PTPN13: variants seen among roughly 807,000 people sequenced by gnomAD.
The protein encoded by PTPN13 is protein tyrosine phosphatase non-receptor type 13.
In PTPN13, 191 loss-of-function variants were observed where a neutral mutation model predicts 284.0. That is an observed-to-expected ratio of 0.67 (90% CI 0.60 to 0.76). The LOEUF is 0.76. Among genes scored for constraint, PTPN13 ranks in the 30% least tolerant of loss-of-function variants. PTPN13 has a pLI of 0.00. For synonymous variants in PTPN13, 986 were observed against 1,022.3 expected (o/e 0.96, Z 0.68); for missense variants, 2,797 against 2,939.9 (o/e 0.95, Z 1.12).
At chr4:86,774,783 T>C (rs182148331) in intron 33 of PTPN13, among the ~76,000 whole-genome samples, 1 of 151,762 alleles carries the variant, frequency 6.6e-6, no homozygotes, top group Admixed American at 6.6e-5. Flanking sequence ...GTTACATATG[T>C]ATACATGAAC....
At chr4:86,814,384 T>C in intron 47 of PTPN13, 72 bp from the exon 48 acceptor site, 1 of 977,730 alleles carries the variant, frequency 1.0e-6, no homozygotes, top group South Asian at 1.9e-5. Context: ...CTTCCAATAG[T>C]GGTATAGCTA....
At chr4:86,609,322 T>G (rs774684139) in intron 1 of PTPN13, among the ~76,000 whole-genome samples, 7 of 152,204 alleles carry the variant, frequency 4.6e-5, no homozygotes, top group African/African-American at 1.2e-4. Flanking sequence ...AAGTTTATTA[T>G]TAAGTATCTT....
At chr4:86,660,943 G>A (rs1708442666) in intron 2 of PTPN13, among the ~76,000 whole-genome samples, 1 of 152,058 alleles carries the variant, frequency 6.6e-6, no homozygotes, top group South Asian at 2.1e-4. Context: ...GGTGATAAAT[G>A]TTACTTTTAC....
intron 2 of PTPN13, among the ~76,000 whole-genome samples, chr4:86,645,914 C>T (rs1724372383): frequency 6.6e-6 from 1 of 152,114 alleles, no homozygotes; most frequent in African/African-American, 2.4e-5. Flanking sequence ...AGGACTCTCA[C>T]TACCTGATCT....
At chr4:86,696,759 CAAG>C (rs2148989675) in intron 6 of PTPN13, among the ~76,000 whole-genome samples, 1 of 152,092 alleles carries the variant, frequency 6.6e-6, no homozygotes, top group South Asian at 2.1e-4. Context: ...TATCTAAACT[CAAG>C]AGAATTTGTG....
rs752774942 is a variant in PTPN13 at position 86,701,612 on chromosome 4, A to C, written c.1006A>C (p.Thr336Pro). 3.7e-6 allele frequency: 6 copies of C among 1,613,640 alleles called. No homozygotes were observed. Among genetic ancestry groups the C allele is most frequent in the Middle Eastern group, 1.6e-4 (1 of 6,084 alleles). Residue 336 changes from threonine (T) to proline (P), a missense_variant, in exon 7 of 48, where the codon ACT becomes CCT. By Grantham distance (38) the Thr-to-Pro change is conservative. Coordinates refer to ENST00000411767, the MANE Select transcript of PTPN13 (RefSeq NM_080683.3). ...GGCAGTAACAGTGCGGACTTCAACTACTCCTAGAAAAAAGGAGGCAAGATA... is the reference window on the plus strand; with the variant it reads ...GGCAGTAACAGTGCGGACTTCAACTCCTCCTAGAAAAAAGGAGGCAAGATA... Reference protein sequence around the residue: ...PEAVTVRTSTTPRKKEARYSD... With the variant: ...PEAVTVRTSTPPRKKEARYSD...
chr4:86,802,303 C>T (rs991541500), intron 42 of PTPN13, among the ~76,000 whole-genome samples: 2 of 152,024 alleles, frequency 1.3e-5, no homozygotes, highest in Non-Finnish European at 2.9e-5. Flanking sequence ...TTACTATTAT[C>T]TAGAATACTT....
At chr4:86,761,298 A>G (rs1490436634) in intron 23 of PTPN13, among the ~76,000 whole-genome samples, 3 of 151,714 alleles carry the variant, frequency 2.0e-5, no homozygotes, top group Non-Finnish European at 2.9e-5. Context: ...GCAACATTAT[A>G]TTTATGTTAT....
At chr4:86,692,956 G>A (rs1730182442) in intron 5 of PTPN13, among the ~76,000 whole-genome samples, 1 of 151,392 alleles carries the variant, frequency 6.6e-6, no homozygotes, top group South Asian at 2.1e-4. Context: ...GTATGCACCA[G>A]TAGTCCCAGC....
chr4:86,744,878 G>T (rs377470868), intron 16 of PTPN13, 88 bp from the exon 17 acceptor site: 2 of 962,974 alleles, frequency 2.1e-6, no homozygotes. Flanking sequence ...ATTCATATTA[G>T]ATGTAAGTCA....
chr4:86,671,943 G>A (rs571071337), intron 2 of PTPN13, among the ~76,000 whole-genome samples: 6 of 152,148 alleles, frequency 3.9e-5, no homozygotes, highest in Non-Finnish European at 8.8e-5. Context: ...ATATTTATGG[G>A]CAATGTCCTT....
chr4:86,606,043 C>G (rs1764710730), intron 1 of PTPN13, among the ~76,000 whole-genome samples: 2 of 151,900 alleles, frequency 1.3e-5, no homozygotes, highest in Non-Finnish European at 2.9e-5. Flanking sequence ...GGAAATCCCA[C>G]TGAGGCTGGG....
chr4:86,651,456 G>GT lies in PTPN13; in HGVS notation c.115+16092dup, dbSNP rs568088207. Among the ~76,000 whole-genome samples, 28 of 147,668 alleles carry GT rather than the reference G, an allele frequency of 1.9e-4. 1 individual carries two copies. In the South Asian group the frequency reaches 3.3e-3, roughly 17 times the overall value. On this transcript the variant is annotated intron_variant, in intron 2 of 47. Coordinates refer to ENST00000411767, the MANE Select transcript of PTPN13 (RefSeq NM_080683.3). ...CTTCCTTCCTTCCTTCCTTCCTGAT[G>GT]TTTTTTTGTCTGGTTTTAATATCAG...
Position 86,775,281 on chromosome 4 carries a change from A to C in PTPN13, c.5619A>C (p.Arg1873Ser), listed in dbSNP as rs373015492. 6.8e-6 allele frequency: 11 copies of C among 1,613,670 alleles called. No individual in the cohort carries two copies. Among genetic ancestry groups the C allele is most frequent in the Non-Finnish European group, 8.5e-6 (10 of 1,179,784 alleles). The change falls in exon 34 of 48, where the codon AGA becomes AGC. Residue 1873 changes from arginine to serine, a missense_variant. By Grantham distance (110) the Arg-to-Ser change is moderately radical (BLOSUM62 -1). Transcript: ENST00000411767. ...TTGGACGAGTTCTAGAATTACCCAG[A>C]ATACCAATGTTGCCTCATTTGCTAC... is the stretch of plus-strand genomic sequence containing the variant. ...LVIGRVLELP[R>S]IPMLPHLLPD...
At chr4:86,790,170 C>T (rs370802307) in intron 40 of PTPN13, among the ~76,000 whole-genome samples, 4 of 152,192 alleles carry the variant, frequency 2.6e-5, no homozygotes, top group African/African-American at 7.2e-5. Context: ...AGCAGCTTCT[C>T]GAAAGAGATG....
chr4:86,662,670 G>A (rs11947018), intron 2 of PTPN13, among the ~76,000 whole-genome samples: 36 of 152,102 alleles, frequency 2.4e-4, no homozygotes, highest in African/African-American at 8.7e-4. Flanking sequence ...GCAAACTGTC[G>A]TTTAGAAGTC....
At chr4:86,794,756 C>T (rs1249649427) in intron 40 of PTPN13, among the ~76,000 whole-genome samples, 1 of 152,116 alleles carries the variant, frequency 6.6e-6, no homozygotes, top group Non-Finnish European at 1.5e-5. Flanking sequence ...CATCTACAGC[C>T]ATCTGATCTT....
At chr4:86,670,987 G>A (rs191339233) in intron 2 of PTPN13, among the ~76,000 whole-genome samples, 1 of 152,146 alleles carries the variant, frequency 6.6e-6, no homozygotes, top group Non-Finnish European at 1.5e-5. Flanking sequence ...ATTGGTTAAG[G>A]CTTTGAGGAC....
At chr4:86,604,320 G>C (rs1449344557) in intron 1 of PTPN13, among the ~76,000 whole-genome samples, 1 of 152,050 alleles carries the variant, frequency 6.6e-6, no homozygotes, top group Non-Finnish European at 1.5e-5. Context: ...AAATGATTGG[G>C]CATAGCCTAC....
Sources: gnomAD v4.1 joint callset for allele counts (sites outside exome capture counted in the v4.1 genomes callset) on GRCh38, gnomAD v4.1.1 for gene constraint, MANE v1.5 for transcripts, NCBI Gene and HGNC (gene_info 2026-07-23, HGNC 2026-07-21) for gene names.